ITGB6: variants seen among roughly 807,000 people sequenced by gnomAD.
ITGB6 encodes integrin subunit beta 6, also known as integrin beta-6.
Under a neutral mutation model 84.5 loss-of-function variants are expected in ITGB6, and 80 were observed. That is an observed-to-expected ratio of 0.95 (90% CI 0.79 to 1.14). The LOEUF (loss-of-function observed/expected upper bound fraction) is 1.14, where lower values mean the gene tolerates loss of function less well. Ranked by LOEUF, ITGB6 falls within the 50% of genes most tolerant of loss-of-function variation. The pLI, the probability that ITGB6 is intolerant of heterozygous loss-of-function variation, is 0.00. For missense variants in ITGB6, 1,006 were observed against 968.0 expected, an observed-to-expected ratio of 1.04 and a Z score of -0.52; for synonymous variants, 383 against 354.9, an observed-to-expected ratio of 1.08 and a Z score of -0.89.
intron 4 of ITGB6, among the ~76,000 whole-genome samples, chr2:160,190,083 T>C (rs560603360): frequency 6.6e-6 from 1 of 151,874 alleles, no homozygotes; most frequent in Admixed American, 6.5e-5. Flanking sequence ...AAACCATCAT[T>C]CTCAGCAAAC....
chr2:160,180,749 G>A (rs1429080673), intron 4 of ITGB6, among the ~76,000 whole-genome samples: 2 of 152,158 alleles, frequency 1.3e-5, no homozygotes, highest in Admixed American at 6.5e-5. Context: ...TGAGATCAAC[G>A]CAGAAGGCAG....
At chr2:160,126,701 C>A (rs1683260258) in intron 10 of ITGB6, 100 bp from the exon 11 acceptor site, 1 of 1,115,910 alleles carries the variant, frequency 9.0e-7, no homozygotes, top group Non-Finnish European at 1.3e-6. Context: ...GCACCGTCAT[C>A]AAAAGACAAG....
chr2:160,119,735 C>T (rs1255272101), intron 12 of ITGB6, among the ~76,000 whole-genome samples: 1 of 152,098 alleles, frequency 6.6e-6, no homozygotes, highest in African/African-American at 2.4e-5. Context: ...AGGCAACCTA[C>T]AGAATGGGAG....
intron 12 of ITGB6, among the ~76,000 whole-genome samples, chr2:160,119,094 G>A (rs1682910320): frequency 1.3e-5 from 2 of 152,158 alleles, no homozygotes; most frequent in African/African-American, 4.8e-5. Flanking sequence ...TACTGTCCAA[G>A]GTAATTTATA....
intron 7 of ITGB6, among the ~76,000 whole-genome samples, chr2:160,148,678 G>T (rs1397942375): frequency 6.6e-6 from 1 of 152,218 alleles, no homozygotes; most frequent in Non-Finnish European, 1.5e-5. Context: ...AAGGGTCAGG[G>T]GGATTTCCCT....
chr2:160,188,825 C>T (rs1375325215), intron 4 of ITGB6, among the ~76,000 whole-genome samples: 1 of 152,004 alleles, frequency 6.6e-6, no homozygotes, highest in African/African-American at 2.4e-5. Flanking sequence ...AGGCTGGTCT[C>T]AAACTCCTGA....
At chr2:160,123,216 A>G (rs1289151573) in intron 12 of ITGB6, among the ~76,000 whole-genome samples, 8 of 152,240 alleles carry the variant, frequency 5.3e-5, no homozygotes, top group Non-Finnish European at 8.8e-5. Flanking sequence ...TAGCCGTTAA[A>G]GAGAATAGGT....
intron 4 of ITGB6, among the ~76,000 whole-genome samples, chr2:160,181,177 G>A (rs1399911775): frequency 6.6e-6 from 1 of 152,128 alleles, no homozygotes; most frequent in Non-Finnish European, 1.5e-5. Flanking sequence ...AAGCCAGGGA[G>A]CCAAGTGGTC....
At chr2:160,144,773 A>G (rs1287536064) in intron 7 of ITGB6, among the ~76,000 whole-genome samples, 2 of 152,208 alleles carry the variant, frequency 1.3e-5, no homozygotes, top group African/African-American at 4.8e-5. Context: ...ACATAACTAT[A>G]ATCCTGCATG....
At chr2:160,151,975 AG>A (rs1459623101) in intron 7 of ITGB6, among the ~76,000 whole-genome samples, 2 of 152,216 alleles carry the variant, frequency 1.3e-5, no homozygotes, top group Admixed American at 1.3e-4. Flanking sequence ...AACCAAAAAA[AG>A]TCCAGGATCA....
chr2:160,123,839 A>G lies in ITGB6; in HGVS notation c.1933T>C (p.Cys645Arg), dbSNP rs745623919. The G allele has an allele frequency of 6.8e-6, 11 of 1,614,042 alleles. No individual in the cohort carries two copies. The highest frequency in any genetic ancestry group is 9.3e-6 in the Non-Finnish European group (11 of 1,179,972). The part of the protein sequence containing the change: ...LSAAGQAREE[C>R]VDKCKLAGAT... The stretch of plus-strand genomic sequence containing the variant: ...CCAGCTAGTTTGCACTTGTCCACAC[A>G]TTCTTCTCGGGCTTGGCCAGCTGCT... The change falls in exon 12 of 15, where the codon TGT (cysteine) becomes CGT (arginine). Residue 645 changes from cysteine to arginine, a missense_variant. Coordinates refer to ENST00000283249, the MANE Select transcript of ITGB6 (RefSeq NM_000888.5).
At position 160,103,582 on chromosome 2, in the gene ITGB6, G is replaced by C. The variant is rs578084023; in HGVS notation, c.2269-1748C>G. On this transcript the variant is annotated intron_variant, in intron 14 of 14. Coordinates refer to ENST00000283249, the MANE Select transcript of ITGB6 (RefSeq NM_000888.5). ...AAGAATTTGAGATTTTGAAGGCAAA[G>C]GGCAGACTGATGTGAATTTAGATGT... is the stretch of plus-strand genomic sequence containing the variant. Among the ~76,000 whole-genome samples the C allele has an allele frequency of 2.0e-5, 3 of 152,280 alleles. No homozygotes were observed. The East Asian group carries it at 5.8e-4, about 29-fold the overall frequency.
In ITGB6 at chr2:160,126,496, A is replaced by C; in HGVS notation, c.1766T>G (p.Val589Gly). 6.2e-7 allele frequency: 1 copy of C among 1,614,102 alleles called. No individual in the cohort carries two copies. The highest frequency in any genetic ancestry group is 2.2e-5 in the East Asian group (1 of 44,880). Residue 589 changes from valine (V) to glycine (G), a missense_variant, in exon 11 of 15, where the codon GTG becomes GGG. Coordinates refer to ENST00000283249, the MANE Select transcript of ITGB6 (RefSeq NM_000888.5). ...ACAGTCCCCGCGCCCGCTGCAGAGC[A>C]CTCCATCTTCAGAGACGCAGGAGTC... is the stretch of plus-strand genomic sequence containing the variant. ...STDSCVSEDG[V>G]LCSGRGDCVC... is the part of the protein sequence containing the mutation.
At chr2:160,174,858 C>T (rs6732107) in intron 4 of ITGB6, among the ~76,000 whole-genome samples, 22,868 of 152,100 alleles carry the variant, frequency 0.15, 2,291 homozygotes, top group East Asian at 0.32. Flanking sequence ...TTTTAAAATG[C>T]GGATAATCGT....
chr2:160,115,518 G>A (rs1201941504), intron 12 of ITGB6, among the ~76,000 whole-genome samples: 3 of 152,158 alleles, frequency 2.0e-5, no homozygotes, highest in African/African-American at 7.2e-5. Context: ...CTGTACATCA[G>A]CATCATCAAA....
At chr2:160,146,023 T>G (rs1004478747) in intron 7 of ITGB6, among the ~76,000 whole-genome samples, 33 of 152,262 alleles carry the variant, frequency 2.2e-4, no homozygotes, top group Middle Eastern at 6.8e-3. Context: ...TAGCCCACTC[T>G]TGTGACATTT....
intron 7 of ITGB6, among the ~76,000 whole-genome samples, chr2:160,159,919 A>G (rs1684757302): frequency 6.6e-6 from 1 of 152,132 alleles, no homozygotes; most frequent in African/African-American, 2.4e-5. Flanking sequence ...CCCCTACTAG[A>G]TTACAAGTCC....
At chr2:160,110,357 C>T (rs1202797063) in intron 13 of ITGB6, among the ~76,000 whole-genome samples, 2 of 152,164 alleles carry the variant, frequency 1.3e-5, no homozygotes, top group African/African-American at 4.8e-5. Context: ...AAAACAACAT[C>T]TGGCAAATGG....
chr2:160,110,533 C>T (rs180887787), intron 13 of ITGB6, among the ~76,000 whole-genome samples: 33 of 152,280 alleles, frequency 2.2e-4, no homozygotes, highest in Admixed American at 2.0e-3. Flanking sequence ...TACTTTCCAG[C>T]CAGGAAGCCT....
Sources: gnomAD v4.1 joint callset for allele counts (sites outside exome capture counted in the v4.1 genomes callset) on GRCh38, gnomAD v4.1.1 for gene constraint, MANE v1.5 for transcripts, NCBI Gene and HGNC (gene_info 2026-07-23, HGNC 2026-07-21) for gene names.